The following FANCA variants were observed in gnomAD, a reference collection of about 807,000 sequenced individuals.
FANCA encodes FA complementation group A, also known as Fanconi anemia group A protein.
FANCA carries 236 observed loss-of-function variants against 194.3 expected under a neutral mutation model. That is an observed-to-expected ratio of 1.21 (90% CI 1.09 to 1.35). The LOEUF (loss-of-function observed/expected upper bound fraction) is 1.35. FANCA is among the 40% of genes most tolerant of loss of function. The pLI is 0.00. For synonymous variants in FANCA, 1,014 were observed against 715.8 expected (o/e 1.42, Z -6.65); for missense variants, 2,628 against 1,813.9 (o/e 1.45, Z -8.15).
chr16:89,743,014 C>A, intron 36 of FANCA, 76 bp from the exon 37 acceptor site: 1 of 1,537,568 alleles, frequency 6.5e-7, no homozygotes, highest in South Asian at 1.2e-5. Flanking sequence ...GTCCTTATTC[C>A]CACCTGTCAC....
intron 31 of FANCA, among the ~76,000 whole-genome samples, chr16:89,751,365 A>G (rs528017745): frequency 3.9e-5 from 6 of 152,256 alleles, no homozygotes; most frequent in Non-Finnish European, 5.9e-5. Flanking sequence ...GGTGGCGCAC[A>G]CAGGTGCACG....
rs1460916661 is a variant in FANCA at position 89,778,839 on chromosome 16, G to A, written c.1788C>T (p.Val596=). Residue 596 remains valine, a synonymous_variant, in exon 20 of 43, where the codon GTC becomes GTT. Coordinates refer to ENST00000389301, the MANE Select transcript of FANCA (RefSeq NM_000135.4). ...ALLTPRVLPK[V]PDSRVAFIES... ...CTATAAACGCCACACGGGAGTCAGG[G>A]ACTTTGGGGAGCTGTGGGAAGAGAA... 1.9e-6 allele frequency: 3 copies of A among 1,613,924 alleles called. No individual in the cohort carries two copies. Among genetic ancestry groups the A allele is most frequent in the South Asian group, 1.1e-5 (1 of 91,084 alleles).
chr16:89,813,648 C>A (rs535778879), intron 3 of FANCA, among the ~76,000 whole-genome samples: 3 of 152,024 alleles, frequency 2.0e-5, no homozygotes, highest in African/African-American at 7.2e-5. Context: ...TGGCCAGGCT[C>A]GTCTCGAATC....
At chr16:89,814,656 C>G (rs758516096) in intron 2 of FANCA, 43 bp from the exon 3 acceptor site, 1 of 1,487,716 alleles carries the variant, frequency 6.7e-7, no homozygotes, top group East Asian at 2.3e-5. Context: ...AAAATTCAAG[C>G]TCCAGGCCAG....
chr16:89,794,816 G>A (rs1736898960), intron 11 of FANCA, among the ~76,000 whole-genome samples: 1 of 152,172 alleles, frequency 6.6e-6, no homozygotes, highest in Non-Finnish European at 1.5e-5. Flanking sequence ...ATGGGTAACA[G>A]GACACCCACT....
At chr16:89,797,663 G>A (rs1415520169) in intron 10 of FANCA, among the ~76,000 whole-genome samples, 1 of 152,142 alleles carries the variant, frequency 6.6e-6, no homozygotes, top group Non-Finnish European at 1.5e-5. Flanking sequence ...GTTATCACTT[G>A]AGGTCAGGAG....
chr16:89,808,189 T>A (rs1007968104), intron 6 of FANCA, 105 bp downstream of exon 6: 3 of 1,050,738 alleles, frequency 2.9e-6, no homozygotes, highest in Non-Finnish European at 1.5e-6. Flanking sequence ...ACAAATTATA[T>A]GTCAAAGCCA....
intron 21 of FANCA, among the ~76,000 whole-genome samples, chr16:89,774,892 G>A (rs1437572190): frequency 2.0e-5 from 3 of 151,882 alleles, no homozygotes; most frequent in African/African-American, 4.8e-5. Context: ...TCAGGAGTTC[G>A]AGACCAGCTT....
rs546411860 is a variant in FANCA, at chr16:89,740,688, C to T, written c.3828+116G>A. The T allele has an allele frequency of 7.3e-6, 6 of 824,430 alleles. No individual in the cohort carries two copies. The Admixed American group carries it at 9.0e-5, about 12-fold the overall frequency. 51.1% of individuals were successfully genotyped at this position (824,430 alleles called of 1,614,324 possible). ...CTGGGAGTTCTCACTCACACTTCCG[C>T]AAACACAAGGAGCTCCTGAGCTAGT... On this transcript the variant is annotated intron_variant, in intron 38 of 42. Transcript: ENST00000389301.
At chr16:89,758,105 C>T (rs1448928264) in intron 30 of FANCA, among the ~76,000 whole-genome samples, 1 of 152,190 alleles carries the variant, frequency 6.6e-6, no homozygotes, top group Non-Finnish European at 1.5e-5. Context: ...AATCCACCCA[C>T]CTCAGCCTCC....
chr16:89,816,274 T>G, intron 1 of FANCA: 1 of 269,028 alleles, frequency 3.7e-6, no homozygotes, highest in Non-Finnish European at 7.0e-6. Flanking sequence ...CAGGCCCGCC[T>G]GACAGGGCGG....
intron 29 of FANCA, among the ~76,000 whole-genome samples, chr16:89,759,671 G>A (rs984038107): frequency 6.6e-6 from 1 of 152,292 alleles, no homozygotes; most frequent in African/African-American, 2.4e-5. Context: ...TGAGGCAGGA[G>A]GATCACTCGA....
At chr16:89,756,539 C>A (rs1371834704) in intron 30 of FANCA, among the ~76,000 whole-genome samples, 1 of 152,156 alleles carries the variant, frequency 6.6e-6, no homozygotes. Context: ...GCAGGAGGAT[C>A]ACTTGAGCCC....
intron 31 of FANCA, among the ~76,000 whole-genome samples, chr16:89,750,482 C>CAA (rs745845600): frequency 1.8e-5 from 2 of 109,988 alleles, no homozygotes; most frequent in African/African-American, 6.2e-5. Flanking sequence ...GACTCCGTCT[C>CAA]AAAAAAAAAC....
At chr16:89,816,348 C>A in intron 1 of FANCA, 189 bp downstream of exon 1, 1 of 315,542 alleles carries the variant, frequency 3.2e-6, no homozygotes, top group Non-Finnish European at 5.6e-6. Flanking sequence ...GGGCGTCCGC[C>A]CAGGCGCAGG....
intron 36 of FANCA, 35 bp downstream of exon 36, chr16:89,744,924 G>A: frequency 6.3e-7 from 1 of 1,587,724 alleles, no homozygotes; most frequent in Non-Finnish European, 8.6e-7. Context: ...AAGTGCATCT[G>A]GGCGGGCACA....
intron 20 of FANCA, 22 bp downstream of exon 20, chr16:89,778,779 C>T (rs2143421921): frequency 6.2e-7 from 1 of 1,610,716 alleles, no homozygotes; most frequent in Non-Finnish European, 8.5e-7. Flanking sequence ...GTAGTCATCC[C>T]CTTCTAACCG....
At chr16:89,744,080 TAG>T (rs750572605) in intron 36 of FANCA, among the ~76,000 whole-genome samples, 1 of 152,016 alleles carries the variant, frequency 6.6e-6, no homozygotes, top group Non-Finnish European at 1.5e-5. Context: ...GTATTTTCAG[TAG>T]AGATTGTTTC....
Position 89,744,392 on chromosome 16 carries a change from C to T in FANCA, c.3626+567G>A, listed in dbSNP as rs2062198361. Among the ~76,000 whole-genome samples, 6 of 152,168 alleles carry T rather than the reference C, an allele frequency of 3.9e-5. No homozygotes were observed. The South Asian group carries it at 1.2e-3, about 31-fold the overall frequency. ...GAGTGGCTGTCAGCTCTGTGGTCCT[C>T]AGAAGGGTGTGTGAGCCTGGATTGC... On this transcript the variant is annotated intron_variant, in intron 36 of 42. Transcript: ENST00000389301.
Sources: gnomAD v4.1 joint callset for allele counts (sites outside exome capture counted in the v4.1 genomes callset) on GRCh38, gnomAD v4.1.1 for gene constraint, MANE v1.5 for transcripts, NCBI Gene and HGNC (gene_info 2026-07-23, HGNC 2026-07-21) for gene names.